The following GDPD5 variants were observed in gnomAD, a reference collection of about 807,000 sequenced individuals.
GDPD5 encodes the protein glycerophosphodiester phosphodiesterase 2.
A neutral mutation model predicts 75.1 loss-of-function variants in GDPD5; 48 were observed. That is an observed-to-expected ratio of 0.64 (90% CI 0.51 to 0.81). GDPD5 has a LOEUF of 0.81. Ranked by LOEUF, GDPD5 falls within the 40% of genes least tolerant of loss-of-function variation. The probability of loss-of-function intolerance (pLI) is 0.00; values close to 1 mark genes in which losing one functional copy is unlikely to be tolerated. For synonymous variants in GDPD5, 336 were observed against 339.0 expected, an observed-to-expected ratio of 0.99 and a Z score of 0.10; for missense variants, 706 against 822.6, an observed-to-expected ratio of 0.86 and a Z score of 1.73.
chr11:75,501,239 G>C (rs555539116), intron 1 of GDPD5, among the ~76,000 whole-genome samples: 20 of 152,234 alleles, frequency 1.3e-4, no homozygotes, highest in Non-Finnish European at 1.9e-4. Flanking sequence ...GCCCCTCCTC[G>C]CACTTAGCCC....
intron 1 of GDPD5, among the ~76,000 whole-genome samples, chr11:75,518,046 G>A (rs1950680856): frequency 6.6e-6 from 1 of 152,216 alleles, no homozygotes; most frequent in Non-Finnish European, 1.5e-5. Flanking sequence ...GCTGGGTGTT[G>A]ATCCCACCCT....
In GDPD5 at chr11:75,512,281, G is replaced by GACACACACACACACACACACACAC. The variant is rs145862089; in HGVS notation, c.-145+12905_-145+12928dup. The stretch of plus-strand genomic sequence containing the variant: ...CTGGTAGAAGCATGAAATTGGGAAG[G>GACACACACACACACACACACACAC]ACACACACACACACACACACACACA... On this transcript the variant is annotated intron_variant, in intron 1 of 16. Transcript: ENST00000336898. Among the ~76,000 whole-genome samples the GACACACACACACACACACACACAC allele has an allele frequency of 9.6e-3, 1,188 of 123,142 alleles. 82 individuals carry two copies. Among genetic ancestry groups the GACACACACACACACACACACACAC allele is most frequent in the Middle Eastern group, 0.019 (4 of 208 alleles). The allele number at this position is 123,142 out of a possible 152,430, so 80.8% of individuals were successfully genotyped here.
At chr11:75,440,116 C>T (rs370835967) in intron 14 of GDPD5, among the ~76,000 whole-genome samples, 155 bp from the exon 15 acceptor site, 17 of 152,266 alleles carry the variant, frequency 1.1e-4, no homozygotes, top group African/African-American at 3.9e-4. Flanking sequence ...TGACATTTTG[C>T]AGGTGTAGGC....
chr11:75,455,209 G>A, intron 6 of GDPD5: 4 of 438,422 alleles, frequency 9.1e-6, no homozygotes, highest in South Asian at 6.6e-5. Context: ...CTTACCTGCT[G>A]AGAGCCAGGC....
At chr11:75,445,841 T>C (rs1270899692) in intron 9 of GDPD5, among the ~76,000 whole-genome samples, 1 of 152,180 alleles carries the variant, frequency 6.6e-6, no homozygotes, top group Non-Finnish European at 1.5e-5. Flanking sequence ...TCTTTAGCTG[T>C]AAAATGGGCT....
chr11:75,460,683 T>C (rs1221796049), intron 4 of GDPD5, among the ~76,000 whole-genome samples: 1 of 152,128 alleles, frequency 6.6e-6, no homozygotes. Flanking sequence ...TGGACTCACA[T>C]GATCTGCCCG....
At chr11:75,439,418 C>T in intron 15 of GDPD5, 1 of 454,056 alleles carries the variant, frequency 2.2e-6, no homozygotes, top group South Asian at 1.6e-5. Context: ...ATGCGCCGAT[C>T]AGAGCAGGAT....
At chr11:75,478,366 G>A (rs545841882) in intron 2 of GDPD5, among the ~76,000 whole-genome samples, 6 of 152,212 alleles carry the variant, frequency 3.9e-5, no homozygotes, top group East Asian at 1.9e-4. Context: ...GGCTGGTCTC[G>A]AACTCCTGAC....
chr11:75,439,044 C>T (rs1948707687), intron 15 of GDPD5, among the ~76,000 whole-genome samples: 1 of 152,124 alleles, frequency 6.6e-6, no homozygotes, highest in South Asian at 2.1e-4. Flanking sequence ...TCCCCTCCCC[C>T]AGGGAGACAC....
intron 9 of GDPD5, among the ~76,000 whole-genome samples, chr11:75,448,232 C>A (rs1053672994): frequency 2.0e-5 from 3 of 152,140 alleles, no homozygotes; most frequent in Non-Finnish European, 4.4e-5. Context: ...AGCAGGAGAC[C>A]CTGCTCCAGA....
intron 6 of GDPD5, 62 bp from the exon 7 acceptor site, chr11:75,450,045 TGAGA>T: frequency 1.4e-6 from 2 of 1,380,538 alleles, no homozygotes; most frequent in South Asian, 2.4e-5. Flanking sequence ...CCAGTGTGTC[TGAGA>T]GAGGAGCCAG....
At chr11:75,444,807 T>G (rs963808121) in intron 9 of GDPD5, among the ~76,000 whole-genome samples, 1 of 152,178 alleles carries the variant, frequency 6.6e-6, no homozygotes, top group African/African-American at 2.4e-5. Flanking sequence ...TATGTTATCA[T>G]TGCTCTATCC....
intron 16 of GDPD5, among the ~76,000 whole-genome samples, chr11:75,436,267 T>A (rs1034354419): frequency 6.6e-6 from 1 of 152,270 alleles, no homozygotes; most frequent in African/African-American, 2.4e-5. Flanking sequence ...GAGGGACACT[T>A]CATTCTTGGT....
At chr11:75,497,772 G>C (rs767429752) in intron 1 of GDPD5, among the ~76,000 whole-genome samples, 11 of 152,206 alleles carry the variant, frequency 7.2e-5, no homozygotes, top group Admixed American at 1.3e-4. Context: ...GAACCAAAGA[G>C]GGGTTAGTGG....
intron 3 of GDPD5, among the ~76,000 whole-genome samples, chr11:75,463,215 C>G (rs1455727544): frequency 2.6e-5 from 4 of 152,196 alleles, no homozygotes; most frequent in Admixed American, 2.6e-4. Flanking sequence ...GGCGCTGGCA[C>G]AGTGATCGGC....
At chr11:75,476,401 G>A (rs1949779635) in intron 3 of GDPD5, among the ~76,000 whole-genome samples, 1 of 151,182 alleles carries the variant, frequency 6.6e-6, no homozygotes, top group Non-Finnish European at 1.5e-5. Flanking sequence ...CGTTGAGGGA[G>A]CTCACAGGCA....
At chr11:75,513,107 G>A (rs1191956100) in intron 1 of GDPD5, among the ~76,000 whole-genome samples, 3 of 152,182 alleles carry the variant, frequency 2.0e-5, no homozygotes, top group African/African-American at 4.8e-5. Context: ...GGTCACTTGA[G>A]GATGGAGAGG....
chr11:75,513,133 A>AC (rs1480021630), intron 1 of GDPD5, among the ~76,000 whole-genome samples: 1 of 152,168 alleles, frequency 6.6e-6, no homozygotes, highest in Non-Finnish European at 1.5e-5. Flanking sequence ...TTTATAGAAA[A>AC]AATTCACAGA....
rs1949092641 is a variant in GDPD5 at position 75,449,865 on chromosome 11, G to C, written c.474+20C>G. The C allele has an allele frequency of 1.9e-6, 3 of 1,597,972 alleles. No individual in the cohort carries two copies. Among genetic ancestry groups the C allele is most frequent in the Admixed American group, 1.7e-5 (1 of 59,980 alleles). The stretch of plus-strand genomic sequence containing the variant: ...GAAAGGCTCTTGTTGTGAGGGTCCT[G>C]GGGGACCCTCCTCACTCACCTGCAG... On this transcript the variant is annotated intron_variant, in intron 7 of 16. Coordinates refer to ENST00000336898, the MANE Select transcript of GDPD5 (RefSeq NM_030792.8).
Sources: gnomAD v4.1 joint callset for allele counts (sites outside exome capture counted in the v4.1 genomes callset) on GRCh38, gnomAD v4.1.1 for gene constraint, MANE v1.5 for transcripts, NCBI Gene and HGNC (gene_info 2026-07-23, HGNC 2026-07-21) for gene names.